PPRC1: variants seen among roughly 807,000 people sequenced by gnomAD.
PPRC1 encodes peroxisome proliferator-activated receptor gamma coactivator-related protein 1.
PPRC1 carries 23 observed loss-of-function variants against 132.5 expected under a neutral mutation model. The ratio of observed to expected loss-of-function variants is 0.17; its 90% CI spans 0.12 to 0.25. The LOEUF (loss-of-function observed/expected upper bound fraction) is 0.25. Ranked by LOEUF, PPRC1 falls within the 10% of genes least tolerant of loss-of-function variation. The pLI is 1.00. For missense variants in PPRC1, 2,006 were observed against 2,089.1 expected (o/e 0.96, Z 0.78); for synonymous variants, 872 against 833.5 (o/e 1.05, Z -0.80).
chr10:102,140,817 G>C lies in PPRC1; in HGVS notation c.2309G>C (p.Arg770Thr). The C allele has an allele frequency of 1.2e-6, 2 of 1,613,850 alleles. No homozygotes were observed. Among genetic ancestry groups the C allele is most frequent in the Non-Finnish European group, 1.7e-6 (2 of 1,179,994 alleles). The change falls in exon 5 of 14, where the codon AGA becomes ACA. Residue 770 changes from arginine to threonine, a missense_variant. Coordinates refer to ENST00000278070, the MANE Select transcript of PPRC1 (RefSeq NM_015062.5). ...CAACGCCAAGCAGAAACAGAAGAGA[G>C]AAGTCCACAGCCCCCAACTGGGAAG... ...RQQRQAETEE[R>T]SPQPPTGKWP...
intron 6 of PPRC1, among the ~76,000 whole-genome samples, chr10:102,144,010 C>T (rs560006874): frequency 3.3e-5 from 5 of 152,314 alleles, no homozygotes; most frequent in African/African-American, 1.2e-4. Context: ...TAGGCTTATA[C>T]ATTTGGACTT....
At chr10:102,129,787 T>TAG (rs561682438), upstream of PPRC1, among the ~76,000 whole-genome samples, 74 of 152,216 alleles carry the variant, frequency 4.9e-4, no homozygotes, top group African/African-American at 1.4e-3. Context: ...GTATTTTTAG[T>TAG]AGAGACAGGG....
At chr10:102,121,221 A>G in the PPRC1 span, among the ~76,000 whole-genome samples, 2 of 151,898 alleles carry the variant, frequency 1.3e-5, no homozygotes, top group African/African-American at 4.8e-5. Flanking sequence ...TTGCAGACTG[A>G]CGCATCAGTC....
the PPRC1 span, among the ~76,000 whole-genome samples, chr10:102,127,063 AT>A: frequency 0.037 from 4,381 of 117,682 alleles, 324 homozygotes; most frequent in Non-Finnish European, 0.049. Context: ...ATATATATAT[AT>A]ATATAAATTA....
Position 102,146,869 on chromosome 10 carries a change from T to C in PPRC1, c.3877T>C (p.Ser1293Pro). The C allele has an allele frequency of 6.2e-7, 1 of 1,614,054 alleles. No homozygotes were observed. Among genetic ancestry groups the C allele is most frequent in the South Asian group, 1.1e-5 (1 of 91,086 alleles). ...VHGPSRVHVG[S>P]GDHDYCVRSR... is the part of the protein sequence containing the mutation. Reference sequence around the variant, plus strand: ...TGGCCCTAGTCGAGTCCATGTGGGCTCTGGGGACCATGACTATTGTGTCCG... The same window carrying C: ...TGGCCCTAGTCGAGTCCATGTGGGCCCTGGGGACCATGACTATTGTGTCCG... The change falls in exon 9 of 14, where the codon TCT (serine) becomes CCT (proline). Residue 1293 changes from serine (S) to proline (P), a missense_variant. This residue lies in a region of PPRC1 where 1,914 missense variants were observed against 1,917.2 expected (regional missense o/e 1.00). Coordinates refer to ENST00000278070, the MANE Select transcript of PPRC1 (RefSeq NM_015062.5).
chr10:102,144,115 C>T, intron 6 of PPRC1, 135 bp from the exon 7 acceptor site: 1 of 816,466 alleles, frequency 1.2e-6, no homozygotes, highest in Non-Finnish European at 2.1e-6. Flanking sequence ...GAGACTAGAT[C>T]TCTTTGGGGA....
intron 12 of PPRC1, 43 bp from the exon 13 acceptor site, chr10:102,149,135 C>T (rs1398534781): frequency 1.3e-6 from 2 of 1,544,236 alleles, no homozygotes; most frequent in African/African-American, 2.8e-5. Context: ...TGGCATGGGC[C>T]CATATAGCCA....
At position 102,140,937 on chromosome 10, in the gene PPRC1, G is replaced by T. The variant is rs1198912557; in HGVS notation, c.2429G>T (p.Ser810Ile). 6.2e-7 allele frequency: 1 copy of T among 1,613,946 alleles called. No homozygotes were observed. ...APAKKTALQR[S>I]PETPLEICLV... ...GCCAAGAAGACAGCTCTGCAGAGAA[G>T]CCCTGAAACACCCCTTGAGATTTGC... The change falls in exon 5 of 14, where the codon AGC becomes ATC. Residue 810 changes from serine (S) to isoleucine (I), a missense_variant. This residue lies in a region of PPRC1 where 1,914 missense variants were observed against 1,917.2 expected (regional missense o/e 1.00). Coordinates refer to ENST00000278070, the MANE Select transcript of PPRC1 (RefSeq NM_015062.5).
At chr10:102,143,401 C>T (rs1055037330) in intron 6 of PPRC1, among the ~76,000 whole-genome samples, 3 of 152,006 alleles carry the variant, frequency 2.0e-5, no homozygotes, top group African/African-American at 4.8e-5. Context: ...GAGTTTGAGA[C>T]CAGCCTGGCC....
the PPRC1 span, chr10:102,120,578 G>A: frequency 1.1e-5 from 2 of 184,836 alleles, no homozygotes; most frequent in Non-Finnish European, 2.0e-5. Context: ...CCGGGAGAGC[G>A]CGCAGCAAGC....
At position 102,144,100 on chromosome 10, in the gene PPRC1, T is replaced by C. The variant is rs75397669; in HGVS notation, c.3551-150T>C. 1.9e-3 allele frequency: 1,420 copies of C among 747,970 alleles called. 14 individuals are homozygous for C. In the African/African-American group the frequency reaches 0.021, roughly 11 times the overall value. The allele number at this position is 747,970 out of a possible 1,614,324, so 46.3% of individuals were successfully genotyped here. A position where few individuals can be genotyped will look rare whatever the true frequency, so the allele number is the denominator to read the frequency against. On this transcript the variant is annotated intron_variant, in intron 6 of 13. Transcript: ENST00000278070. ...TTAAAAATAGTACTTGGGCATCCACTGGAGGAGACTAGATCTCTTTGGGGA... is the reference window on the plus strand; with the variant it reads ...TTAAAAATAGTACTTGGGCATCCACCGGAGGAGACTAGATCTCTTTGGGGA...
chr10:102,131,636 TAGTG>T (rs2068544851), upstream of PPRC1, among the ~76,000 whole-genome samples: 1 of 152,186 alleles, frequency 6.6e-6, no homozygotes, highest in Non-Finnish European at 1.5e-5. Context: ...TAATATGTAA[TAGTG>T]AGAAACTGTA....
At chr10:102,139,024 AG>A in intron 4 of PPRC1, 44 bp downstream of exon 4, 1 of 1,603,212 alleles carries the variant, frequency 6.2e-7, no homozygotes, top group Non-Finnish European at 8.5e-7. Flanking sequence ...AGGTGGGAGG[AG>A]GAGTGTGTGG....
At chr10:102,125,678 A>G in the PPRC1 span, among the ~76,000 whole-genome samples, 1 of 152,154 alleles carries the variant, frequency 6.6e-6, no homozygotes, top group Non-Finnish European at 1.5e-5. Flanking sequence ...ACAAAAAGGC[A>G]GACAGCAGAA....
chr10:102,149,705 C>T (rs572846281), intron 13 of PPRC1, among the ~76,000 whole-genome samples: 121 of 149,036 alleles, frequency 8.1e-4, no homozygotes, highest in African/African-American at 2.6e-3. Flanking sequence ...GCACTCCAGC[C>T]TGGGCTACAG....
chr10:102,124,488 G>A, the PPRC1 span, among the ~76,000 whole-genome samples: 3 of 146,852 alleles, frequency 2.0e-5, no homozygotes, highest in South Asian at 2.2e-4. Context: ...CTCAGCCTCC[G>A]GAGTAGCTGG....
At chr10:102,126,706 G>A in the PPRC1 span, among the ~76,000 whole-genome samples, 1 of 151,906 alleles carries the variant, frequency 6.6e-6, no homozygotes. Flanking sequence ...TGATCCGCCT[G>A]CCTCGGCCTC....
chr10:102,145,010 C>T lies in PPRC1; in HGVS notation c.3609-10C>T. Reference sequence around the variant, plus strand: ...AATGAATCAGGCTTTCCCTTTTCCCCCCCCGCCAGCGGCGTTGACATTCCC... The same window carrying T: ...AATGAATCAGGCTTTCCCTTTTCCCTCCCCGCCAGCGGCGTTGACATTCCC... On this transcript the variant is annotated splice_polypyrimidine_tract_variant and intron_variant, in intron 7 of 13. Coordinates refer to ENST00000278070, the MANE Select transcript of PPRC1 (RefSeq NM_015062.5). 2 of 1,562,872 alleles carry T rather than the reference C, an allele frequency of 1.3e-6. No individual in the cohort carries two copies. Among genetic ancestry groups the T allele is most frequent in the Admixed American group, 2.0e-5 (1 of 49,418 alleles).
chr10:102,139,432 G>C lies in PPRC1; in HGVS notation c.924G>C (p.Leu308=). Residue 308 remains leucine (L), a synonymous_variant, in exon 5 of 14, where the codon CTG becomes CTC. Transcript: ENST00000278070. ...GDESISSLSE[L]VRAMHPYCLP... is the part of the protein sequence containing the mutation. ...AGAGCATCTCCTCCCTGAGTGAGCT[G>C]GTGCGGGCCATGCACCCATACTGCC... 1 of 1,614,234 alleles carries C rather than the reference G, an allele frequency of 6.2e-7. No homozygotes were observed. The highest frequency in any genetic ancestry group is 1.7e-5 in the Admixed American group (1 of 60,028).
Sources: allele counts gnomAD v4.1 joint callset (sites outside exome capture counted in the v4.1 genomes callset), GRCh38; gene constraint gnomAD v4.1.1; regional missense constraint gnomAD v4.1.1; transcripts MANE v1.5; gene names NCBI Gene and HGNC (gene_info 2026-07-23, HGNC 2026-07-21).